KCNH7: variants seen among roughly 807,000 people sequenced by gnomAD.
KCNH7 encodes voltage-gated inwardly rectifying potassium channel KCNH7.
A neutral mutation model predicts 120.8 loss-of-function variants in KCNH7; 49 were observed. That is an observed-to-expected ratio of 0.41 (90% CI 0.32 to 0.51). The LOEUF (loss-of-function observed/expected upper bound fraction) is 0.51. Ranked by LOEUF, KCNH7 falls within the 20% of genes least tolerant of loss-of-function variation. The probability of loss-of-function intolerance (pLI) is 0.38; values close to 1 mark genes in which losing one functional copy is unlikely to be tolerated. For synonymous variants in KCNH7, 547 were observed against 516.1 expected (o/e 1.06, Z -0.81); for missense variants, 1,097 against 1,446.6 (o/e 0.76, Z 3.92).
chr2:162,390,328 C>T (rs1360766319), intron 12 of KCNH7, among the ~76,000 whole-genome samples: 1 of 150,276 alleles, frequency 6.7e-6, no homozygotes, highest in African/African-American at 2.4e-5. Flanking sequence ...TGTATATATC[C>T]TGTGCCATTA....
intron 3 of KCNH7, among the ~76,000 whole-genome samples, chr2:162,519,179 T>A (rs1489247052): frequency 1.1e-4 from 16 of 151,876 alleles, no homozygotes. Flanking sequence ...CAATATCTAT[T>A]AAAGTGAAAA....
chr2:162,681,090 A>G (rs145497060), intron 2 of KCNH7, among the ~76,000 whole-genome samples: 125 of 151,948 alleles, frequency 8.2e-4, no homozygotes, highest in Non-Finnish European at 1.6e-3. Flanking sequence ...GGGAAAGTTT[A>G]TTGCTCATTT....
chr2:162,400,856 G>C (rs1457188849), intron 9 of KCNH7, among the ~76,000 whole-genome samples: 1 of 151,810 alleles, frequency 6.6e-6, no homozygotes, highest in Non-Finnish European at 1.5e-5. Context: ...GTCAATTTAG[G>C]TTGCCATTTC....
chr2:162,540,061 C>T (rs1692251169), intron 2 of KCNH7, among the ~76,000 whole-genome samples: 1 of 151,780 alleles, frequency 6.6e-6, no homozygotes, highest in African/African-American at 2.4e-5. Context: ...CAATGGAAAC[C>T]TAACCCAGCA....
chr2:162,545,236 T>C (rs1026817143), intron 2 of KCNH7, among the ~76,000 whole-genome samples: 2 of 152,198 alleles, frequency 1.3e-5, no homozygotes, highest in Non-Finnish European at 2.9e-5. Context: ...ATTAGTGTTA[T>C]AGAGGTTTTG....
intron 2 of KCNH7, among the ~76,000 whole-genome samples, chr2:162,725,860 C>T (rs1005176703): frequency 6.6e-6 from 1 of 152,208 alleles, no homozygotes; most frequent in Non-Finnish European, 1.5e-5. Context: ...CCCTTACCTA[C>T]ATCCCCCATG....
chr2:162,613,627 C>CT (rs903447127), intron 2 of KCNH7, among the ~76,000 whole-genome samples: 33 of 151,400 alleles, frequency 2.2e-4, no homozygotes, highest in East Asian at 5.8e-4. Context: ...ATATTTCAAA[C>CT]TTTTTTTTTC....
intron 2 of KCNH7, among the ~76,000 whole-genome samples, chr2:162,587,665 A>AT (rs1166907287): frequency 2.6e-5 from 4 of 151,874 alleles, no homozygotes; most frequent in South Asian, 2.1e-4. Context: ...TCCTTTTCCC[A>AT]TTTTTTTCGA....
At chr2:162,696,595 C>T (rs1686298400) in intron 2 of KCNH7, among the ~76,000 whole-genome samples, 1 of 151,956 alleles carries the variant, frequency 6.6e-6, no homozygotes, top group South Asian at 2.1e-4. Context: ...TAGCAATGAA[C>T]ATCTCTTGCA....
chr2:162,669,713 C>T (rs1228373971), intron 2 of KCNH7, among the ~76,000 whole-genome samples: 1 of 152,098 alleles, frequency 6.6e-6, no homozygotes. Context: ...AGGAATGCTG[C>T]TAAACATCCT....
chr2:162,673,517 G>A (rs1181187064), intron 2 of KCNH7, among the ~76,000 whole-genome samples: 1 of 151,920 alleles, frequency 6.6e-6, no homozygotes, highest in East Asian at 1.9e-4. Flanking sequence ...ATTTACTTTG[G>A]CTGATAGAAT....
At chr2:162,456,581 C>A (rs1351101927) in intron 6 of KCNH7, among the ~76,000 whole-genome samples, 1 of 151,996 alleles carries the variant, frequency 6.6e-6, no homozygotes, top group Non-Finnish European at 1.5e-5. Flanking sequence ...GTGTCTCGAT[C>A]TGTCTAATAT....
At chr2:162,816,400 A>T (rs1684920657) in intron 2 of KCNH7, among the ~76,000 whole-genome samples, 1 of 152,160 alleles carries the variant, frequency 6.6e-6, no homozygotes, top group South Asian at 2.1e-4. Flanking sequence ...ACTTTCATTA[A>T]AATGGTCATT....
intron 2 of KCNH7, among the ~76,000 whole-genome samples, chr2:162,742,809 C>T (rs1185091332): frequency 2.0e-5 from 3 of 152,102 alleles, no homozygotes; most frequent in South Asian, 2.1e-4. Flanking sequence ...CATATGTTAA[C>T]GGCTCTTGTG....
At chr2:162,658,636 T>C (rs1308913469) in intron 2 of KCNH7, among the ~76,000 whole-genome samples, 3 of 152,192 alleles carry the variant, frequency 2.0e-5, no homozygotes, top group African/African-American at 4.8e-5. Context: ...TTAGCTCCTC[T>C]TTGATTTCTT....
At chr2:162,465,237 G>A (rs1453178534) in intron 6 of KCNH7, among the ~76,000 whole-genome samples, 1 of 152,106 alleles carries the variant, frequency 6.6e-6, no homozygotes, top group East Asian at 1.9e-4. Context: ...AGTGGGTTGA[G>A]CTAAGCGATC....
intron 9 of KCNH7, among the ~76,000 whole-genome samples, chr2:162,413,351 T>C (rs1209352124): frequency 6.6e-6 from 1 of 152,108 alleles, no homozygotes; most frequent in Non-Finnish European, 1.5e-5. Flanking sequence ...AGTCTCGAAC[T>C]CCTGACCTCA....
intron 2 of KCNH7, among the ~76,000 whole-genome samples, chr2:162,563,118 G>A (rs908600543): frequency 6.6e-6 from 1 of 152,160 alleles, no homozygotes; most frequent in Non-Finnish European, 1.5e-5. Context: ...GTTTAAATGT[G>A]CAGTGATAAG....
chr2:162,758,214 G>C (rs1227557778), intron 2 of KCNH7, among the ~76,000 whole-genome samples: 1 of 152,094 alleles, frequency 6.6e-6, no homozygotes, highest in African/African-American at 2.4e-5. Context: ...GAACTGAGAG[G>C]AAAGTCAGGG....
Sources: allele counts gnomAD v4.1 joint callset (sites outside exome capture counted in the v4.1 genomes callset), GRCh38; gene constraint gnomAD v4.1.1; transcripts MANE v1.5; gene names NCBI Gene and HGNC (gene_info 2026-07-23, HGNC 2026-07-21).